The following PRUNE2 variants were observed in gnomAD, a reference collection of about 807,000 sequenced individuals.
The protein encoded by PRUNE2 is protein prune homolog 2.
In PRUNE2, 164 loss-of-function variants were observed where a neutral mutation model predicts 252.0. The ratio of observed to expected loss-of-function variants is 0.65; its 90% CI spans 0.57 to 0.74. PRUNE2 has a LOEUF of 0.74. Ranked by LOEUF, PRUNE2 falls within the 30% of genes least tolerant of loss-of-function variation. The pLI, the probability that PRUNE2 is intolerant of heterozygous loss-of-function variation, is 0.00. For missense variants in PRUNE2, 3,495 were observed against 3,711.0 expected (o/e 0.94, Z 1.51); for synonymous variants, 1,292 against 1,350.2 (o/e 0.96, Z 0.94).
At chr9:76,757,120 A>G (rs1241315486) in intron 6 of PRUNE2, among the ~76,000 whole-genome samples, 1 of 152,228 alleles carries the variant, frequency 6.6e-6, no homozygotes, top group Non-Finnish European at 1.5e-5. Flanking sequence ...CTGTTTGTTG[A>G]TACAATTCTG....
intron 1 of PRUNE2, among the ~76,000 whole-genome samples, chr9:76,864,156 C>G (rs749171651): frequency 1.3e-5 from 2 of 152,140 alleles, no homozygotes; most frequent in Admixed American, 1.3e-4. Context: ...ATGTATGGAG[C>G]TGGATGGAGG....
chr9:76,679,766 G>A (rs2043219344), intron 9 of PRUNE2, among the ~76,000 whole-genome samples: 1 of 152,142 alleles, frequency 6.6e-6, no homozygotes. Flanking sequence ...ACCATTTAAT[G>A]GGGAAATTAT....
intron 9 of PRUNE2, among the ~76,000 whole-genome samples, chr9:76,665,352 T>C (rs887297578): frequency 1.6e-4 from 25 of 151,734 alleles, no homozygotes; most frequent in African/African-American, 6.1e-4. Flanking sequence ...AGAATCGGGA[T>C]CTGGGACCTC....
intron 4 of PRUNE2, among the ~76,000 whole-genome samples, chr9:76,830,513 A>G (rs1465078907): frequency 6.6e-6 from 1 of 151,944 alleles, no homozygotes; most frequent in African/African-American, 2.4e-5. Flanking sequence ...CTAGCTGGGC[A>G]TGATGGTGGG....
In PRUNE2 at chr9:76,850,446, T is replaced by C; in HGVS notation, c.344+17A>G. 6.2e-7 allele frequency: 1 copy of C among 1,603,820 alleles called. No homozygotes were observed. The highest frequency in any genetic ancestry group is 8.5e-7 in the Non-Finnish European group (1 of 1,170,610). On this transcript the variant is annotated intron_variant, in intron 3 of 18. Coordinates refer to ENST00000376718, the MANE Select transcript of PRUNE2 (RefSeq NM_015225.3). ...TCATTGAGGGATTAAACCTCAGAGC[T>C]TCACAGTGGATCTTACCTCGCCAGC...
rs2134891358 is a variant in PRUNE2 at position 76,707,278 on chromosome 9, C to G, written c.4996G>C (p.Glu1666Gln). 1 of 1,613,904 alleles carries G rather than the reference C, an allele frequency of 6.2e-7. No individual in the cohort carries two copies. The highest frequency in any genetic ancestry group is 2.2e-5 in the East Asian group (1 of 44,880). ...NLIASYQEKN[E>Q]HDISATVQPE... ...TGCACAGTTGCAGAAATGTCATGTT[C>G]ATTTTTCTCCTGGTAGCTAGCAATT... Residue 1666 changes from glutamate to glutamine, a missense_variant, in exon 8 of 19, where the codon GAA (glutamate) becomes CAA (glutamine). Coordinates refer to ENST00000376718, the MANE Select transcript of PRUNE2 (RefSeq NM_015225.3).
chr9:76,614,402 A>T lies in PRUNE2; in HGVS notation c.*168T>A. 1.6e-6 allele frequency: 1 copy of T among 642,056 alleles called. No individual in the cohort carries two copies. Among genetic ancestry groups the T allele is most frequent in the Non-Finnish European group, 2.7e-6 (1 of 365,206 alleles). 39.8% of individuals were successfully genotyped at this position (642,056 alleles called of 1,614,324 possible). On this transcript the variant is annotated 3_prime_UTR_variant, in exon 19 of 19. Transcript: ENST00000376718. ...AATAGGAAAGTACACACAATTTCAT[A>T]AAATATCTTAAGAGTAAACAAACTT...
At chr9:76,670,679 T>G (rs370877099) in intron 9 of PRUNE2, among the ~76,000 whole-genome samples, 7 of 152,002 alleles carry the variant, frequency 4.6e-5, no homozygotes, top group African/African-American at 1.7e-4. Context: ...AGAGCAGTGG[T>G]TCTCCCAGCA....
chr9:76,747,681 T>G (rs1038172422), intron 6 of PRUNE2, among the ~76,000 whole-genome samples: 2 of 152,182 alleles, frequency 1.3e-5, no homozygotes, highest in African/African-American at 4.8e-5. Context: ...AATGGATACT[T>G]GAAGAAGTTC....
intron 6 of PRUNE2, chr9:76,779,065 T>C (rs1448804870): frequency 6.6e-6 from 1 of 152,238 alleles, no homozygotes; most frequent in African/African-American, 2.4e-5. Context: ...CCTTTGAAGA[T>C]ACTATGTTAT....
intron 6 of PRUNE2, among the ~76,000 whole-genome samples, chr9:76,799,425 A>C (rs1319737421): frequency 6.6e-6 from 1 of 152,242 alleles, no homozygotes; most frequent in East Asian, 1.9e-4. Flanking sequence ...CTTGATCAAT[A>C]TGTAAAATTT....
rs767797178 is a variant in PRUNE2 at position 76,704,965 on chromosome 9, G to T, written c.7309C>A (p.Arg2437=). 2.0e-5 allele frequency: 33 copies of T among 1,613,068 alleles called. No homozygotes were observed. Among genetic ancestry groups the T allele is most frequent in the South Asian group, 8.8e-5 (8 of 90,920 alleles). ...AEIVLSALPD[R]RSEGNQAETK... Reference sequence around the variant, plus strand: ...TCAGCCTGGTTTCCCTCACTTCTTCGATCAGGAAGTGCAGAAAGCACTATC... The same window carrying T: ...TCAGCCTGGTTTCCCTCACTTCTTCTATCAGGAAGTGCAGAAAGCACTATC... Residue 2437 remains arginine, a synonymous_variant, in exon 8 of 19, where the codon CGA becomes AGA. Transcript: ENST00000376718.
intron 6 of PRUNE2, among the ~76,000 whole-genome samples, chr9:76,793,786 C>T (rs1371996831): frequency 6.6e-6 from 1 of 152,032 alleles, no homozygotes; most frequent in Non-Finnish European, 1.5e-5. Context: ...AGAGGTTACA[C>T]AATTATCTTA....
chr9:76,710,563 C>A lies in PRUNE2; in HGVS notation c.1711G>T (p.Val571Phe), dbSNP rs767697643. The A allele has an allele frequency of 5.0e-6, 8 of 1,613,896 alleles. No individual in the cohort carries two copies. The highest frequency in any genetic ancestry group is 6.8e-6 in the Non-Finnish European group (8 of 1,179,842). ...TCTCTGGGACTGTCTTGTCTCTGGA[C>A]AAACTCCTCATCATGTTCCACAAGG... ...DSLVEHDEEFVQRQDSPRDNS... is the reference protein window; with the variant it reads ...DSLVEHDEEFFQRQDSPRDNS... Residue 571 changes from valine to phenylalanine, a missense_variant, in exon 8 of 19, where the codon GTC (valine) becomes TTC (phenylalanine). By Grantham distance (50) the Val-to-Phe change is conservative. Transcript: ENST00000376718.
At chr9:76,891,483 A>C (rs2062469628) in intron 1 of PRUNE2, among the ~76,000 whole-genome samples, 1 of 152,180 alleles carries the variant, frequency 6.6e-6, no homozygotes, top group Non-Finnish European at 1.5e-5. Flanking sequence ...TGGGCTCAGC[A>C]TGTTTCCACC....
chr9:76,896,486 G>A (rs1264649537), intron 1 of PRUNE2, among the ~76,000 whole-genome samples: 2 of 152,194 alleles, frequency 1.3e-5, no homozygotes, highest in African/African-American at 4.8e-5. Flanking sequence ...CATAAGAACT[G>A]TTGCACTTAC....
Position 76,707,849 on chromosome 9 carries a change from C to T in PRUNE2, c.4425G>A (p.Glu1475=). The change falls in exon 8 of 19, where the codon GAG becomes GAA. Residue 1475 remains glutamate (E), a synonymous_variant. Transcript: ENST00000376718. ...KTEECNFLEP[E]NVGGGPPHRV... Reference sequence around the variant, plus strand: ...TGTGAGGTGGCCCTCCACCCACGTTCTCTGGCTCTAGAAAGTTACATTCTT... The same window carrying T: ...TGTGAGGTGGCCCTCCACCCACGTTTTCTGGCTCTAGAAAGTTACATTCTT... 1.2e-6 allele frequency: 2 copies of T among 1,613,750 alleles called. No individual in the cohort carries two copies. The highest frequency in any genetic ancestry group is 8.5e-7 in the Non-Finnish European group (1 of 1,179,804).
At chr9:76,796,717 G>A (rs986107462) in intron 6 of PRUNE2, among the ~76,000 whole-genome samples, 2 of 152,160 alleles carry the variant, frequency 1.3e-5, no homozygotes, top group African/African-American at 4.8e-5. Flanking sequence ...GTCTCTGATG[G>A]TGTTTCTGCA....
chr9:76,768,577 ATATGTATGTGTGTGTGTGTGTG>A (rs764959495), intron 6 of PRUNE2, among the ~76,000 whole-genome samples: 1 of 98,072 alleles, frequency 1.0e-5, no homozygotes, highest in East Asian at 3.6e-4. Flanking sequence ...ATATATATGT[ATATGTATGTGTGTGTGTGTGTG>A]TGTGTGTGTG....
Sources: allele counts gnomAD v4.1 joint callset (sites outside exome capture counted in the v4.1 genomes callset), GRCh38; gene constraint gnomAD v4.1.1; transcripts MANE v1.5; gene names NCBI Gene and HGNC (gene_info 2026-07-23, HGNC 2026-07-21).